The following SSPN variants were observed in gnomAD, a reference collection of about 807,000 sequenced individuals.
The protein encoded by SSPN is sarcospan.
In SSPN, 15 loss-of-function variants were observed where a neutral mutation model predicts 19.1. That is an observed-to-expected ratio of 0.78 (90% confidence interval 0.52 to 1.21). The LOEUF is 1.21. Ranked by LOEUF, SSPN falls within the 50% of genes most tolerant of loss-of-function variation. The probability of loss-of-function intolerance (pLI) is 0.00; values close to 1 mark genes in which losing one functional copy is unlikely to be tolerated. For missense variants in SSPN, 291 were observed against 314.0 expected (o/e 0.93, Z 0.55); for synonymous variants, 147 against 140.3 (o/e 1.05, Z -0.34).
At chr12:26,167,450 A>T (rs1944628148) in intron 1 of SSPN, among the ~76,000 whole-genome samples, 1 of 152,340 alleles carries the variant, frequency 6.6e-6, no homozygotes, top group South Asian at 2.1e-4. Flanking sequence ...GACACTGAGG[A>T]TAGCAGCTTG....
rs143300240 is a variant in SSPN at position 26,179,557 on chromosome 12, T to C, written c.-30-44736T>C. On this transcript the variant is annotated intron_variant, in intron 1 of 2. Transcript: ENST00000538142. The stretch of plus-strand genomic sequence containing the variant: ...TTCACAATTTTGCTTAGGGGCCTTG[T>C]ATTCCTTAAACCACCACCAGGAAAC... 2.6e-5 allele frequency among the ~76,000 whole-genome samples: 4 copies of C among 152,316 alleles called. No individual in the cohort carries two copies. The East Asian group carries it at 7.7e-4, about 29-fold the overall frequency.
intron 1 of SSPN, 42 bp downstream of exon 1, chr12:26,195,993 A>G: frequency 7.8e-6 from 11 of 1,409,614 alleles, no homozygotes; most frequent in Non-Finnish European, 1.0e-5. Flanking sequence ...TTTGCCAAAC[A>G]GGAATGCGAA....
intron 1 of SSPN, among the ~76,000 whole-genome samples, chr12:26,185,052 G>A (rs964571641): frequency 8.5e-5 from 13 of 152,064 alleles, no homozygotes; most frequent in Non-Finnish European, 1.8e-4. Flanking sequence ...AATTATTTTA[G>A]ATTTAAAATA....
At chr12:26,141,059 C>G (rs1435581057) in intron 1 of SSPN, among the ~76,000 whole-genome samples, 2 of 152,096 alleles carry the variant, frequency 1.3e-5, no homozygotes, top group African/African-American at 4.8e-5. Flanking sequence ...TGTCCTAATC[C>G]CTGGAACCTG....
At chr12:26,147,899 G>A (rs749496454) in intron 1 of SSPN, among the ~76,000 whole-genome samples, 2 of 151,804 alleles carry the variant, frequency 1.3e-5, no homozygotes, top group African/African-American at 2.4e-5. Context: ...GTACCTCTGC[G>A]TTTGCACTAA....
chr12:26,144,319 C>T (rs1437591647), intron 1 of SSPN, among the ~76,000 whole-genome samples: 2 of 152,176 alleles, frequency 1.3e-5, no homozygotes, highest in Non-Finnish European at 2.9e-5. Context: ...AAATCAAATG[C>T]TGGCCACCAG....
upstream of SSPN, chr12:26,195,245 G>T: frequency 6.1e-6 from 1 of 164,504 alleles, no homozygotes; most frequent in Non-Finnish European, 1.3e-5. Context: ...AAGCTCAAAC[G>T]ATTTCAACAT....
At chr12:26,157,164 A>G (rs1944560848) in intron 1 of SSPN, among the ~76,000 whole-genome samples, 1 of 152,140 alleles carries the variant, frequency 6.6e-6, no homozygotes. Context: ...TGTTTGTGGT[A>G]GGGTTTTCCG....
At chr12:26,171,496 A>T (rs976065579) in intron 1 of SSPN, among the ~76,000 whole-genome samples, 1 of 152,170 alleles carries the variant, frequency 6.6e-6, no homozygotes, top group Admixed American at 6.5e-5. Flanking sequence ...GTACAGTGGA[A>T]TTTTTCCAGA....
chr12:26,183,870 C>A (rs1490026836), intron 1 of SSPN, among the ~76,000 whole-genome samples: 1 of 152,132 alleles, frequency 6.6e-6, no homozygotes, highest in East Asian at 1.9e-4. Context: ...TGGTCATCAC[C>A]CCAAATTGTA....
intron 1 of SSPN, among the ~76,000 whole-genome samples, chr12:26,137,913 ACCTCAG>A (rs965797516): frequency 1.3e-5 from 2 of 151,370 alleles, no homozygotes; most frequent in Non-Finnish European, 2.9e-5. Flanking sequence ...TGACCTACCC[ACCTCAG>A]CCTCCCAAAG....
chr12:26,168,982 G>T (rs538938243), intron 1 of SSPN, among the ~76,000 whole-genome samples: 3 of 150,942 alleles, frequency 2.0e-5, no homozygotes, highest in African/African-American at 7.3e-5. Flanking sequence ...AGACATAATG[G>T]TAGTGATTTT....
At chr12:26,213,050 A>G (rs1430396113) in intron 1 of SSPN, among the ~76,000 whole-genome samples, 2 of 152,044 alleles carry the variant, frequency 1.3e-5, no homozygotes, top group Non-Finnish European at 2.9e-5. Flanking sequence ...AGTTTGGCTG[A>G]AACAATTGTG....
chr12:26,135,964 T>C (rs1944422733), intron 1 of SSPN, among the ~76,000 whole-genome samples: 1 of 152,268 alleles, frequency 6.6e-6, no homozygotes, highest in Admixed American at 6.5e-5. Context: ...CTCATATTTC[T>C]GTCCTTGTTT....
At chr12:26,219,246 G>C (rs1274315374) in intron 1 of SSPN, among the ~76,000 whole-genome samples, 1 of 152,068 alleles carries the variant, frequency 6.6e-6, no homozygotes, top group Non-Finnish European at 1.5e-5. Context: ...ATATGACATG[G>C]AGAGAGTAAA....
intron 1 of SSPN, among the ~76,000 whole-genome samples, chr12:26,201,201 A>C (rs955944027): frequency 6.6e-6 from 1 of 151,198 alleles, no homozygotes; most frequent in Non-Finnish European, 1.5e-5. Flanking sequence ...ACATGGCAAT[A>C]TCCCATCTCT....
At chr12:26,212,793 T>A (rs948767065) in intron 1 of SSPN, among the ~76,000 whole-genome samples, 10 of 152,162 alleles carry the variant, frequency 6.6e-5, no homozygotes, top group African/African-American at 2.4e-4. Context: ...TGTTGCTAGC[T>A]ACGATTTTGT....
rs75531887 is a variant in SSPN, at chr12:26,182,373, T to A, written c.-30-41920T>A. ...TTAAAAATAAAAATAACAGACTAAG[T>A]TTACACTAGCATTAAGTAATAAGAA... On this transcript the variant is annotated intron_variant, in intron 1 of 2. Transcript: ENST00000538142. Among the ~76,000 whole-genome samples, 47 of 152,330 alleles carry A rather than the reference T, an allele frequency of 3.1e-4. 1 individual carries two copies. In the East Asian group the frequency reaches 5.4e-3, roughly 17 times the overall value.
chr12:26,217,056 G>A (rs200175433), intron 1 of SSPN, among the ~76,000 whole-genome samples: 2 of 138,178 alleles, frequency 1.4e-5, no homozygotes, highest in Non-Finnish European at 3.2e-5. Context: ...TTGGTGATGC[G>A]AGCTCTTTTT....
Sources: allele counts gnomAD v4.1 joint callset (sites outside exome capture counted in the v4.1 genomes callset), GRCh38; gene constraint gnomAD v4.1.1; transcripts MANE v1.5; gene names NCBI Gene and HGNC (gene_info 2026-07-23, HGNC 2026-07-21).